Variants in FAM186A observed in about 807,000 individuals in gnomAD.
The protein encoded by FAM186A is family with sequence similarity 186 member A, also known as protein FAM186A.
FAM186A carries 163 observed loss-of-function variants against 216.8 expected under a neutral mutation model. The ratio of observed to expected loss-of-function variants is 0.75; its 90% CI spans 0.66 to 0.86. The LOEUF is 0.86. Among genes scored for constraint, FAM186A ranks in the 40% least tolerant of loss-of-function variants. The pLI, the probability that FAM186A is intolerant of heterozygous loss-of-function variation, is 0.00. For synonymous variants in FAM186A, 805 were observed against 1,025.3 expected (o/e 0.79, Z 4.10); for missense variants, 2,184 against 2,746.2 (o/e 0.80, Z 4.58).
At chr12:50,382,797 T>A (rs187614805) in intron 1 of FAM186A, among the ~76,000 whole-genome samples, 19 of 152,272 alleles carry the variant, frequency 1.2e-4, no homozygotes, top group Admixed American at 8.5e-4. Context: ...AATTTACTTG[T>A]TTGCTTCAAC....
At chr12:50,332,296 C>T (rs556280788) in intron 5 of FAM186A, among the ~76,000 whole-genome samples, 85 of 152,262 alleles carry the variant, frequency 5.6e-4, no homozygotes, top group African/African-American at 1.9e-3. Context: ...CAACCTTATG[C>T]GGTATGTCTT....
intron 1 of FAM186A, among the ~76,000 whole-genome samples, chr12:50,373,014 A>G (rs397850485): frequency 0.062 from 7,316 of 117,972 alleles, 622 homozygotes; most frequent in Middle Eastern, 0.088. Context: ...AAAGAAAGAA[A>G]GAAAGAAAGA....
chr12:50,332,114 G>A (rs1161324767), intron 5 of FAM186A, among the ~76,000 whole-genome samples: 1 of 152,182 alleles, frequency 6.6e-6, no homozygotes, highest in East Asian at 1.9e-4. Context: ...TTCTAAAACA[G>A]GGATAATAAC....
chr12:50,395,648 C>T (rs183680116), intron 1 of FAM186A, among the ~76,000 whole-genome samples: 181 of 152,094 alleles, frequency 1.2e-3, no homozygotes, highest in African/African-American at 4.3e-3. Context: ...CCTTGAATTT[C>T]TCCTAATTTC....
At chr12:50,336,569 C>G (rs919795547) in intron 4 of FAM186A, among the ~76,000 whole-genome samples, 1 of 152,140 alleles carries the variant, frequency 6.6e-6, no homozygotes, top group Non-Finnish European at 1.5e-5. Context: ...TCTCAGGTAA[C>G]TCTTACTTTA....
chr12:50,372,746 C>G (rs1943153423), intron 1 of FAM186A, among the ~76,000 whole-genome samples: 1 of 150,568 alleles, frequency 6.6e-6, no homozygotes, highest in East Asian at 2.0e-4. Flanking sequence ...ACTAAAAATA[C>G]AAAAAATTAG....
intron 4 of FAM186A, among the ~76,000 whole-genome samples, chr12:50,335,599 G>A (rs1392753712): frequency 2.0e-5 from 3 of 150,750 alleles, no homozygotes; most frequent in East Asian, 2.0e-4. Flanking sequence ...AGCCGAGATC[G>A]TGCCACTGCA....
At chr12:50,390,196 A>C (rs1226116958) in intron 1 of FAM186A, among the ~76,000 whole-genome samples, 1 of 152,186 alleles carries the variant, frequency 6.6e-6, no homozygotes, top group Non-Finnish European at 1.5e-5. Flanking sequence ...CCTGGGATTA[A>C]TGTCAGCTCA....
intron 2 of FAM186A, 137 bp downstream of exon 2, chr12:50,363,008 G>T: frequency 1.4e-6 from 1 of 722,972 alleles, no homozygotes; most frequent in Non-Finnish European, 2.2e-6. Context: ...TACTGGAATA[G>T]AGGATAACCA....
chr12:50,337,415 C>T (rs1481067640), intron 4 of FAM186A, among the ~76,000 whole-genome samples: 1 of 149,846 alleles, frequency 6.7e-6, no homozygotes, highest in Admixed American at 6.6e-5. Context: ...CCACCTCAGC[C>T]CCCCTCGGTA....
At chr12:50,356,825 C>A (rs1185755757) in intron 3 of FAM186A, among the ~76,000 whole-genome samples, 1 of 151,738 alleles carries the variant, frequency 6.6e-6, no homozygotes, top group Non-Finnish European at 1.5e-5. Flanking sequence ...ATGGTGAAAC[C>A]CTGTCTCTAC....
rs1049336348 is a variant in FAM186A, at chr12:50,379,474, A to C, written c.193-16110T>G. Among the ~76,000 whole-genome samples, 23 of 4,150 alleles carry C rather than the reference A, an allele frequency of 5.5e-3. 1 individual carries two copies. The East Asian group carries it at 0.25, about 45-fold the overall frequency. 2.7% of individuals were successfully genotyped at this position (4,150 alleles called of 152,430 possible). A position where few individuals can be genotyped will look rare whatever the true frequency, so the allele number is the denominator to read the frequency against. ...AAGAAAGAAAAAAAGAGGGAAAAAC[A>C]AAAACAAAAACAAAAAAAAACTAAA... On this transcript the variant is annotated intron_variant, in intron 1 of 7. Coordinates refer to ENST00000327337, the MANE Select transcript of FAM186A (RefSeq NM_001145475.3).
At chr12:50,346,114 T>C in intron 4 of FAM186A, among the ~76,000 whole-genome samples, 1 of 139,852 alleles carries the variant, frequency 7.2e-6, no homozygotes, top group Non-Finnish European at 1.5e-5. Context: ...GAAGTTGCAG[T>C]GAGCCAAGAT....
At chr12:50,361,971 TG>T (rs768073524) in intron 2 of FAM186A, among the ~76,000 whole-genome samples, 9 of 151,848 alleles carry the variant, frequency 5.9e-5, no homozygotes, top group Non-Finnish European at 8.8e-5. Flanking sequence ...TTGTTGTTGT[TG>T]TTGTTTTTGT....
At chr12:50,328,144 T>C (rs936118839) in intron 7 of FAM186A, among the ~76,000 whole-genome samples, 7 of 152,196 alleles carry the variant, frequency 4.6e-5, no homozygotes, top group African/African-American at 1.7e-4. Flanking sequence ...TTCAAAGATA[T>C]TTGGTGTAGC....
chr12:50,383,025 T>C (rs540197738), intron 1 of FAM186A, among the ~76,000 whole-genome samples: 2 of 151,808 alleles, frequency 1.3e-5, no homozygotes, highest in East Asian at 3.9e-4. Flanking sequence ...AAGACCAGCC[T>C]GGACAACATG....
chr12:50,339,121 C>T (rs533575653), intron 4 of FAM186A, among the ~76,000 whole-genome samples: 1 of 151,192 alleles, frequency 6.6e-6, no homozygotes, highest in Admixed American at 6.6e-5. Flanking sequence ...CTCATGGGAT[C>T]CTCCCACCTC....
chr12:50,368,977 A>AC (rs201805236), intron 1 of FAM186A, among the ~76,000 whole-genome samples: 1,896 of 149,808 alleles, frequency 0.013, 21 homozygotes, highest in East Asian at 0.073. Flanking sequence ...AAAAAAAAAA[A>AC]AACACACACA....
chr12:50,368,991 G>A (rs1223841116), intron 1 of FAM186A, among the ~76,000 whole-genome samples: 3 of 149,498 alleles, frequency 2.0e-5, no homozygotes, highest in African/African-American at 7.3e-5. Flanking sequence ...ACACACAAAT[G>A]TTGGTGGGAA....
Sources: allele counts gnomAD v4.1 joint callset (sites outside exome capture counted in the v4.1 genomes callset), GRCh38; gene constraint gnomAD v4.1.1; transcripts MANE v1.5; gene names NCBI Gene and HGNC (gene_info 2026-07-23, HGNC 2026-07-21).